The following ROBO2 variants were observed in gnomAD, a reference collection of about 807,000 sequenced individuals.
The protein encoded by ROBO2 is roundabout homolog 2.
In ROBO2, 53 loss-of-function variants were observed where a neutral mutation model predicts 160.8. The observed-to-expected ratio is 0.33, with a 90% CI of 0.26 to 0.41. The LOEUF (loss-of-function observed/expected upper bound fraction) is 0.41, where lower values mean the gene tolerates loss of function less well. Ranked by LOEUF, ROBO2 falls within the 10% of genes least tolerant of loss-of-function variation. ROBO2 has a pLI of 1.00. For synonymous variants in ROBO2, 664 were observed against 611.7 expected (o/e 1.09, Z -1.26); for missense variants, 1,577 against 1,722.4 (o/e 0.92, Z 1.49).
intron 2 of ROBO2, among the ~76,000 whole-genome samples, chr3:76,021,191 C>G (rs952278406): frequency 7.3e-5 from 11 of 151,544 alleles, no homozygotes; most frequent in African/African-American, 2.7e-4. Flanking sequence ...AATGTGAGTC[C>G]AAAATATTGC....
chr3:77,181,256 C>T (rs547376812), intron 2 of ROBO2, among the ~76,000 whole-genome samples: 2 of 152,118 alleles, frequency 1.3e-5, no homozygotes, highest in East Asian at 3.9e-4. Context: ...CTGTTAGGCT[C>T]AATTAGATGA....
intron 5 of ROBO2, among the ~76,000 whole-genome samples, chr3:77,512,069 G>A (rs2089462176): frequency 6.6e-6 from 1 of 151,828 alleles, no homozygotes; most frequent in South Asian, 2.1e-4. Context: ...TGTGACCTGT[G>A]GTTGTCTAAA....
At chr3:76,832,092 C>T (rs1449158688) in intron 2 of ROBO2, among the ~76,000 whole-genome samples, 1 of 152,072 alleles carries the variant, frequency 6.6e-6, no homozygotes, top group Non-Finnish European at 1.5e-5. Context: ...CAATAACTAC[C>T]AATAAGATTA....
At chr3:76,688,893 CTA>C (rs2092740501) in intron 2 of ROBO2, among the ~76,000 whole-genome samples, 1 of 151,928 alleles carries the variant, frequency 6.6e-6, no homozygotes, top group Non-Finnish European at 1.5e-5. Flanking sequence ...ATGAGTCTAT[CTA>C]TGAGTGATGT....
intron 2 of ROBO2, among the ~76,000 whole-genome samples, chr3:76,693,661 G>A (rs972872721): frequency 2.6e-5 from 4 of 152,068 alleles, no homozygotes; most frequent in South Asian, 2.1e-4. Flanking sequence ...GGAGTTGATC[G>A]TGTATCTCTC....
chr3:76,813,975 G>A (rs1292082744), intron 2 of ROBO2, among the ~76,000 whole-genome samples: 1 of 151,992 alleles, frequency 6.6e-6, no homozygotes, highest in Admixed American at 6.6e-5. Context: ...ATAGAAACTT[G>A]ATCAAAGTAT....
chr3:76,504,106 G>C (rs1295266551), intron 2 of ROBO2, among the ~76,000 whole-genome samples: 1 of 152,126 alleles, frequency 6.6e-6, no homozygotes, highest in Non-Finnish European at 1.5e-5. Context: ...AAACGACAAT[G>C]ATTTAAATTA....
intron 2 of ROBO2, among the ~76,000 whole-genome samples, chr3:76,261,205 T>TGTGTGA (rs201526041): frequency 7.3e-6 from 1 of 137,350 alleles, no homozygotes; most frequent in Non-Finnish European, 1.6e-5. Flanking sequence ...TGTGTGTGTA[T>TGTGTGA]ATATATATAT....
intron 2 of ROBO2, among the ~76,000 whole-genome samples, chr3:76,570,108 C>T (rs181654219): frequency 2.6e-5 from 4 of 152,066 alleles, no homozygotes; most frequent in East Asian, 1.9e-4. Flanking sequence ...AACTCAAGCC[C>T]GGGCAACAAA....
intron 22 of ROBO2, among the ~76,000 whole-genome samples, chr3:77,621,190 C>A (rs950774522): frequency 1.3e-5 from 2 of 152,154 alleles, no homozygotes; most frequent in Non-Finnish European, 2.9e-5. Context: ...CTTTGGGTTG[C>A]TGAGGCAGGA....
chr3:77,377,363 A>G (rs1277859837), intron 2 of ROBO2, among the ~76,000 whole-genome samples: 4 of 152,214 alleles, frequency 2.6e-5, no homozygotes, highest in Non-Finnish European at 4.4e-5. Context: ...ACAAATTCAT[A>G]TACTGTGTAA....
chr3:76,121,698 A>G (rs1223988564), intron 2 of ROBO2, among the ~76,000 whole-genome samples: 1 of 152,152 alleles, frequency 6.6e-6, no homozygotes. Context: ...AGAAAAACTC[A>G]TCTGAATAGT....
intron 2 of ROBO2, among the ~76,000 whole-genome samples, chr3:76,978,944 TAAA>T (rs879743178): frequency 1.4e-3 from 201 of 141,464 alleles, no homozygotes; most frequent in Admixed American, 3.1e-3. Flanking sequence ...GTTTGTTTTT[TAAA>T]AAAAAAAAAA....
rs114443333 is a variant in ROBO2, at chr3:77,582,638, A to G, written c.2500+2520A>G. 8.9e-3 allele frequency among the ~76,000 whole-genome samples: 1,350 copies of G among 152,152 alleles called. 22 individuals are homozygous for G. The highest frequency in any genetic ancestry group is 0.031 in the African/African-American group (1,268 of 41,506). ...CTGACAGTTGCTCTAGGATTTGACT[A>G]TAAGTATCCTAGAGCAGTATAGTGT... On this transcript the variant is annotated intron_variant, in intron 16 of 25. Transcript: ENST00000461745.
intron 2 of ROBO2, among the ~76,000 whole-genome samples, chr3:77,391,806 A>G (rs997344791): frequency 6.6e-6 from 1 of 152,036 alleles, no homozygotes; most frequent in African/African-American, 2.4e-5. Context: ...TGATCCTCCC[A>G]GCTCGGCCTT....
Position 77,458,989 on chromosome 3 carries a change from G to A in ROBO2, c.389-18425G>A, listed in dbSNP as rs57991270. Among the ~76,000 whole-genome samples the A allele has an allele frequency of 6.4e-3, 976 of 152,192 alleles. 14 individuals carry two copies. Among genetic ancestry groups the A allele is most frequent in the African/African-American group, 0.022 (927 of 41,524 alleles). ...TGCCCACCTCACAGGGTCATTGTGA[G>A]TATTCAATTGACCTTATAGACAAGA... On this transcript the variant is annotated intron_variant, in intron 2 of 25. Coordinates refer to ENST00000461745, the Ensembl canonical transcript of ROBO2.
intron 2 of ROBO2, among the ~76,000 whole-genome samples, chr3:77,361,967 T>C (rs1214836912): frequency 6.6e-6 from 1 of 152,148 alleles, no homozygotes. Flanking sequence ...AAAACAAACT[T>C]AATTCTTGCC....
intron 2 of ROBO2, among the ~76,000 whole-genome samples, chr3:76,682,269 A>T (rs976750225): frequency 6.6e-6 from 1 of 152,190 alleles, no homozygotes; most frequent in Non-Finnish European, 1.5e-5. Flanking sequence ...ATTTAGCTTC[A>T]TCTATGCAAC....
chr3:77,544,612 G>A (rs1388121991), intron 6 of ROBO2, among the ~76,000 whole-genome samples: 5 of 152,192 alleles, frequency 3.3e-5, no homozygotes, highest in East Asian at 3.9e-4. Flanking sequence ...AATTGGTTGC[G>A]TGTTTGGGGC....
Sources: gnomAD v4.1 joint callset for allele counts (sites outside exome capture counted in the v4.1 genomes callset) on GRCh38, gnomAD v4.1.1 for gene constraint, MANE v1.5 for transcripts, NCBI Gene and HGNC (gene_info 2026-07-23, HGNC 2026-07-21) for gene names.